The following RBFOX1 variants were observed in gnomAD, a reference collection of about 807,000 sequenced individuals.
RBFOX1 encodes the protein RNA binding fox-1 homolog 1.
A neutral mutation model predicts 57.7 loss-of-function variants in RBFOX1; 8 were observed. The observed-to-expected ratio is 0.14, with a 90% CI of 0.08 to 0.25. The LOEUF (loss-of-function observed/expected upper bound fraction) is 0.25. RBFOX1 is among the 10% of genes least tolerant of loss of function. The pLI, the probability that RBFOX1 is intolerant of heterozygous loss-of-function variation, is 1.00. For missense variants in RBFOX1, 611 were observed against 548.5 expected (o/e 1.11, Z -1.14); for synonymous variants, 326 against 222.4 (o/e 1.47, Z -4.15).
intron 1 of RBFOX1, among the ~76,000 whole-genome samples, chr16:5,247,762 T>C (rs1322391481): frequency 3.9e-5 from 6 of 152,212 alleles, no homozygotes; most frequent in Admixed American, 2.0e-4. Flanking sequence ...AAAAAAATGC[T>C]GAGCCTTGTA....
intron 12 of RBFOX1, among the ~76,000 whole-genome samples, chr16:7,662,195 C>G (rs559285959): frequency 6.6e-6 from 1 of 152,298 alleles, no homozygotes; most frequent in Non-Finnish European, 1.5e-5. Flanking sequence ...TGAGGTTCCA[C>G]CATTGAGATC....
At chr16:6,346,676 A>G (rs1416020500) in intron 2 of RBFOX1, among the ~76,000 whole-genome samples, 2 of 152,186 alleles carry the variant, frequency 1.3e-5, no homozygotes, top group African/African-American at 2.4e-5. Flanking sequence ...TAATTTGTCT[A>G]TAGTTTTTTT....
chr16:6,288,761 C>A (rs1376765179), intron 1 of RBFOX1, among the ~76,000 whole-genome samples: 2 of 152,108 alleles, frequency 1.3e-5, no homozygotes, highest in African/African-American at 4.8e-5. Context: ...CAGATAGCAC[C>A]TGAATACGCC....
At chr16:7,544,406 G>A (rs2083835486) in intron 5 of RBFOX1, among the ~76,000 whole-genome samples, 1 of 152,222 alleles carries the variant, frequency 6.6e-6, no homozygotes, top group Non-Finnish European at 1.5e-5. Context: ...TCATTTGAAA[G>A]TAGAGCCTTT....
At chr16:6,305,343 A>G (rs186208563) in intron 1 of RBFOX1, among the ~76,000 whole-genome samples, 2 of 152,338 alleles carry the variant, frequency 1.3e-5, no homozygotes, top group East Asian at 3.9e-4. Flanking sequence ...TAGGGATGTC[A>G]GTGCAATGCT....
chr16:7,215,158 G>A (rs1202512581), intron 4 of RBFOX1, among the ~76,000 whole-genome samples: 1 of 152,116 alleles, frequency 6.6e-6, no homozygotes, highest in Admixed American at 6.6e-5. Context: ...AACATGTGGT[G>A]TTTGGTTTTC....
intron 3 of RBFOX1, among the ~76,000 whole-genome samples, chr16:6,867,875 G>T (rs2060211795): frequency 6.6e-6 from 1 of 152,134 alleles, no homozygotes; most frequent in South Asian, 2.1e-4. Flanking sequence ...TTTCAACGAT[G>T]TATTATATAG....
chr16:6,572,087 C>T (rs2097352593), intron 2 of RBFOX1, among the ~76,000 whole-genome samples: 2 of 152,160 alleles, frequency 1.3e-5, no homozygotes, highest in South Asian at 4.1e-4. Flanking sequence ...CCAATACACA[C>T]TTAGCAAGCG....
chr16:5,599,470 C>T (rs1033014099), exon 3 of RBFOX1: 6 of 513,246 alleles, frequency 1.2e-5, no homozygotes, highest in African/African-American at 1.9e-5. Flanking sequence ...CTGTCACCCA[C>T]GAATAACAGT....
At chr16:7,201,915 G>C (rs1033544194) in intron 4 of RBFOX1, among the ~76,000 whole-genome samples, 2 of 152,168 alleles carry the variant, frequency 1.3e-5, no homozygotes, top group African/African-American at 4.8e-5. Flanking sequence ...GGAGATGTAC[G>C]AGGGATTTAT....
intron 4 of RBFOX1, among the ~76,000 whole-genome samples, chr16:7,425,501 A>T (rs970842100): frequency 6.6e-6 from 1 of 152,218 alleles, no homozygotes; most frequent in East Asian, 1.9e-4. Context: ...TTATATCAGG[A>T]TGAATCATGT....
At chr16:6,535,958 C>A (rs895631284) in intron 2 of RBFOX1, among the ~76,000 whole-genome samples, 2 of 152,156 alleles carry the variant, frequency 1.3e-5, no homozygotes, top group Non-Finnish European at 2.9e-5. Context: ...CACTAAGATG[C>A]CTCTTTAGTT....
intron 1 of RBFOX1, among the ~76,000 whole-genome samples, chr16:5,285,876 A>G (rs1596394968): frequency 2.0e-5 from 3 of 152,094 alleles, no homozygotes. Flanking sequence ...GGTTCAAGCG[A>G]TTCTCCTGCC....
chr16:5,830,240 T>C (rs1288032344), intron 3 of RBFOX1, among the ~76,000 whole-genome samples: 3 of 152,166 alleles, frequency 2.0e-5, no homozygotes, highest in Non-Finnish European at 2.9e-5. Flanking sequence ...AAACCCTCCC[T>C]ATCTAGTTGG....
At chr16:7,395,226 C>G (rs1209609608) in intron 4 of RBFOX1, among the ~76,000 whole-genome samples, 1 of 150,306 alleles carries the variant, frequency 6.7e-6, no homozygotes, top group East Asian at 2.0e-4. Context: ...ATGCATTGTT[C>G]AAATTACAAA....
chr16:7,093,999 G>A (rs2061290234), intron 4 of RBFOX1, among the ~76,000 whole-genome samples: 2 of 151,266 alleles, frequency 1.3e-5, no homozygotes, highest in Non-Finnish European at 2.9e-5. Flanking sequence ...CAATGATGTT[G>A]TCTTTATGAT....
intron 3 of RBFOX1, among the ~76,000 whole-genome samples, chr16:6,832,910 A>T (rs573828247): frequency 6.8e-4 from 104 of 152,278 alleles, no homozygotes; most frequent in Admixed American, 1.7e-3. Context: ...GTGTATCTGC[A>T]TTTCTGCAGC....
At chr16:5,737,455 C>T (rs768112520) in intron 3 of RBFOX1, among the ~76,000 whole-genome samples, 14 of 151,774 alleles carry the variant, frequency 9.2e-5, no homozygotes, top group Non-Finnish European at 1.6e-4. Flanking sequence ...TGCTACACTG[C>T]AGCGTGGGCA....
intron 3 of RBFOX1, among the ~76,000 whole-genome samples, chr16:6,807,861 T>C (rs2087264672): frequency 6.7e-6 from 1 of 150,214 alleles, no homozygotes; most frequent in African/African-American, 2.4e-5. Flanking sequence ...ATATGTATGT[T>C]AGTATATATA....
Sources: allele counts gnomAD v4.1 joint callset (sites outside exome capture counted in the v4.1 genomes callset), GRCh38; gene constraint gnomAD v4.1.1; transcripts MANE v1.5; gene names NCBI Gene and HGNC (gene_info 2026-07-23, HGNC 2026-07-21).